The following ZC3H6 variants were observed in gnomAD, a reference collection of about 807,000 sequenced individuals.
The protein encoded by ZC3H6 is zinc finger CCCH-type containing 6, also known as zinc finger CCCH domain-containing protein 6.
A neutral mutation model predicts 107.7 loss-of-function variants in ZC3H6; 40 were observed. That is an observed-to-expected ratio of 0.37 (90% CI 0.29 to 0.48). ZC3H6 has a LOEUF of 0.48. Ranked by LOEUF, ZC3H6 falls within the 20% of genes least tolerant of loss-of-function variation. The pLI is 0.98. For missense variants in ZC3H6, 1,267 were observed against 1,410.4 expected, an observed-to-expected ratio of 0.90 and a Z score of 1.63; for synonymous variants, 493 against 487.9, an observed-to-expected ratio of 1.01 and a Z score of -0.14.
intron 1 of ZC3H6, among the ~76,000 whole-genome samples, chr2:112,291,678 G>A (rs918007018): frequency 5.9e-5 from 9 of 152,160 alleles, no homozygotes; most frequent in Non-Finnish European, 1.2e-4. Context: ...GATAGATGAA[G>A]AAGAAAATAA....
In ZC3H6 at chr2:112,305,205, AC is replaced by A. The variant is rs1676453754; in HGVS notation, c.336+1855del. ...ATTCAAAAGTCATTTGGAGACTCTTACAATGAATGAAAAGATGCTAAGGATG... is the reference window on the plus strand; with the variant it reads ...ATTCAAAAGTCATTTGGAGACTCTTAAATGAATGAAAAGATGCTAAGGATG... On this transcript the variant is annotated intron_variant, in intron 3 of 11. Transcript: ENST00000409871. Among the ~76,000 whole-genome samples the A allele has an allele frequency of 2.6e-5, 4 of 152,372 alleles. No homozygotes were observed. In the South Asian group the frequency reaches 8.3e-4, roughly 32 times the overall value.
At position 112,324,347 on chromosome 2, in the gene ZC3H6, G is replaced by A; in HGVS notation, c.1536G>A (p.Val512=). The A allele has an allele frequency of 6.2e-7, 1 of 1,613,946 alleles. No homozygotes were observed. The highest frequency in any genetic ancestry group is 8.5e-7 in the Non-Finnish European group (1 of 1,179,844). Residue 512 remains valine (V), a synonymous_variant, in exon 10 of 12, where the codon GTG becomes GTA. Transcript: ENST00000409871. The part of the protein sequence containing the change: ...HPCAGPPGLP[V]PQSPPLPPGP... ...GTGCAGGACCTCCTGGTCTACCAGT[G>A]CCACAGAGCCCACCTTTACCACCTG...
At chr2:112,278,686 C>G (rs1159026260) in intron 1 of ZC3H6, among the ~76,000 whole-genome samples, 1 of 152,060 alleles carries the variant, frequency 6.6e-6, no homozygotes, top group Admixed American at 6.5e-5. Flanking sequence ...AAAAATGAAG[C>G]CTATGATTTA....
intron 3 of ZC3H6, among the ~76,000 whole-genome samples, chr2:112,307,313 A>G (rs930080355): frequency 6.6e-6 from 1 of 152,028 alleles, no homozygotes; most frequent in Admixed American, 6.6e-5. Context: ...TTTTTTCCTC[A>G]TCTTTTTTCA....
chr2:112,326,874 A>G (rs1676915094), intron 11 of ZC3H6, among the ~76,000 whole-genome samples: 1 of 152,088 alleles, frequency 6.6e-6, no homozygotes, highest in Non-Finnish European at 1.5e-5. Flanking sequence ...CGGCCTCCCA[A>G]AGTGCTGGGA....
At position 112,275,972 on chromosome 2, in the gene ZC3H6, C is replaced by A. The variant is rs1471163191; in HGVS notation, c.-23C>A. 16 of 1,529,084 alleles carry A rather than the reference C, an allele frequency of 1.0e-5. No homozygotes were observed. Among genetic ancestry groups the A allele is most frequent in the African/African-American group, 1.4e-5 (1 of 70,074 alleles). The allele number at this position is 1,529,084 out of a possible 1,614,324, so 94.7% of individuals were successfully genotyped here. ...CCGGCCTCGCAGACCTGCCCTCCAG[C>A]CCCGCCCCGTTCTTGACCAAACATG... On this transcript the variant is annotated 5_prime_UTR_variant, in exon 1 of 12. Transcript: ENST00000409871.
rs745750123 is a variant in ZC3H6 at position 112,324,489 on chromosome 2, G to T, written c.1678G>T (p.Val560Leu). 1 of 1,613,628 alleles carries T rather than the reference G, an allele frequency of 6.2e-7. No individual in the cohort carries two copies. The highest frequency in any genetic ancestry group is 2.2e-5 in the East Asian group (1 of 44,852). The change falls in exon 10 of 12, where the codon GTG becomes TTG. Residue 560 changes from valine to leucine, a missense_variant. Physicochemically the swap from Val to Leu is conservative, Grantham distance 32. Around this residue, in one of 3 missense-constraint regions of ZC3H6, gnomAD observed 925 missense variants for 1,025.7 expected, o/e 0.90. Transcript: ENST00000409871. ...AYHSPGFPGH[V>L]MKVPRENHCS... The stretch of plus-strand genomic sequence containing the variant: ...CCACTCCCCAGGCTTTCCAGGACAT[G>T]TGATGAAAGTACCCAGAGAGAATCA...
intron 1 of ZC3H6, among the ~76,000 whole-genome samples, chr2:112,299,414 T>C (rs1027189823): frequency 1.3e-5 from 2 of 152,188 alleles, no homozygotes; most frequent in Admixed American, 1.3e-4. Flanking sequence ...ACTATAGCTG[T>C]CTATGAGCCA....
Position 112,294,238 on chromosome 2 carries a change from C to T in ZC3H6, c.33-5611C>T, listed in dbSNP as rs534811735. Among the ~76,000 whole-genome samples the T allele has an allele frequency of 2.0e-4, 30 of 152,258 alleles. 1 individual carries two copies. The South Asian group carries it at 6.0e-3, about 31-fold the overall frequency. Reference sequence around the variant, plus strand: ...GGAGGCATGCGAGTTTTCCAGGGCACGAGTACAGAGCAGTTATCCTACCTT... The same window carrying T: ...GGAGGCATGCGAGTTTTCCAGGGCATGAGTACAGAGCAGTTATCCTACCTT... On this transcript the variant is annotated intron_variant, in intron 1 of 11. Coordinates refer to ENST00000409871, the MANE Select transcript of ZC3H6 (RefSeq NM_198581.3).
At chr2:112,277,791 T>C (rs1024165940) in intron 1 of ZC3H6, among the ~76,000 whole-genome samples, 4 of 149,472 alleles carry the variant, frequency 2.7e-5, no homozygotes, top group Admixed American at 2.0e-4. Context: ...TTTTTTTTTT[T>C]CATGCTTTTT....
In ZC3H6 at chr2:112,309,926, T is replaced by G; in HGVS notation, c.378T>G (p.Gly126=). The G allele has an allele frequency of 1.3e-6, 2 of 1,595,680 alleles. No homozygotes were observed. Among genetic ancestry groups the G allele is most frequent in the Non-Finnish European group, 1.7e-6 (2 of 1,170,386 alleles). ...GAAGCTACATAACATCAAAGAAGGG[T>G]CAACATAACAAAAAATTTAAAAGTA... ...ISGSYITSKK[G]QHNKKFKSKE... is the part of the protein sequence containing the mutation. Residue 126 remains glycine, a synonymous_variant, in exon 4 of 12, where the codon GGT becomes GGG. Transcript: ENST00000409871.
intron 1 of ZC3H6, among the ~76,000 whole-genome samples, chr2:112,289,826 G>A (rs376700585): frequency 3.3e-4 from 50 of 152,216 alleles, no homozygotes; most frequent in African/African-American, 1.1e-3. Context: ...CTCTAGCCTC[G>A]ACCTCCCAGG....
intron 7 of ZC3H6, 87 bp downstream of exon 7, chr2:112,317,419 T>TTCAC: frequency 1.4e-6 from 1 of 697,824 alleles, no homozygotes. Flanking sequence ...ATACACCCTA[T>TTCAC]AAAGCCTAGT....
intron 1 of ZC3H6, among the ~76,000 whole-genome samples, chr2:112,289,038 AC>A: frequency 1.1e-5 from 1 of 92,400 alleles, no homozygotes; most frequent in Non-Finnish European, 2.3e-5. Flanking sequence ...GCTGAACTGA[AC>A]CACTCTTTTT....
In ZC3H6 at chr2:112,337,391, C is replaced by G. The variant is rs1358192364; in HGVS notation, c.*4903C>G. On this transcript the variant is annotated 3_prime_UTR_variant, in exon 12 of 12. Transcript: ENST00000409871. Reference sequence around the variant, plus strand: ...AGGCTGGAGTGTAATGGTGCAATCTCGGATCACTGCAACCTCTGCCTCCCA... The same window carrying G: ...AGGCTGGAGTGTAATGGTGCAATCTGGGATCACTGCAACCTCTGCCTCCCA... 1.3e-5 allele frequency: 2 copies of G among 151,332 alleles called. No homozygotes were observed. Among genetic ancestry groups the G allele is most frequent in the Non-Finnish European group, 2.9e-5 (2 of 67,916 alleles). The allele number at this position is 151,332 out of a possible 1,614,324, so 9.4% of individuals were successfully genotyped here.
chr2:112,326,233 G>T (rs866676914), intron 11 of ZC3H6, among the ~76,000 whole-genome samples: 2 of 151,188 alleles, frequency 1.3e-5, no homozygotes, highest in African/African-American at 2.4e-5. Context: ...TACTCTTTTA[G>T]TTTTTTTTTA....
chr2:112,326,847 A>G (rs1272670457), intron 11 of ZC3H6, among the ~76,000 whole-genome samples: 1 of 152,140 alleles, frequency 6.6e-6, no homozygotes, highest in Non-Finnish European at 1.5e-5. Flanking sequence ...TCCTGACCTC[A>G]GGTGATCTGC....
rs568844019 is a variant in ZC3H6, at chr2:112,316,390, T to C, written c.748-80T>C. On this transcript the variant is annotated intron_variant, in intron 5 of 11. Coordinates refer to ENST00000409871, the MANE Select transcript of ZC3H6 (RefSeq NM_198581.3). ...CTTTTTGTAGTCAATTTGTACTTTTTTCCAGATCAACTTAATCATACATTT... is the reference window on the plus strand; with the variant it reads ...CTTTTTGTAGTCAATTTGTACTTTTCTCCAGATCAACTTAATCATACATTT... 21 of 863,668 alleles carry C rather than the reference T, an allele frequency of 2.4e-5. No individual in the cohort carries two copies. In the African/African-American group the frequency reaches 2.9e-4, roughly 12 times the overall value. The allele number at this position is 863,668 out of a possible 1,614,324, so 53.5% of individuals were successfully genotyped here.
At chr2:112,287,347 CAAAA>C (rs939216467) in intron 1 of ZC3H6, among the ~76,000 whole-genome samples, 1 of 151,400 alleles carries the variant, frequency 6.6e-6, no homozygotes, top group South Asian at 2.1e-4. Context: ...TAAAATGTCT[CAAAA>C]AAAAGCTATG....
Sources: allele counts gnomAD v4.1 joint callset (sites outside exome capture counted in the v4.1 genomes callset), GRCh38; gene constraint gnomAD v4.1.1; regional missense constraint gnomAD v4.1.1; transcripts MANE v1.5; gene names NCBI Gene and HGNC (gene_info 2026-07-23, HGNC 2026-07-21).